Variants in GPATCH1 observed in about 807,000 individuals in gnomAD.
The protein encoded by GPATCH1 is G-patch domain containing 1.
GPATCH1 carries 73 observed loss-of-function variants against 114.9 expected under a neutral mutation model. The observed-to-expected ratio is 0.64, with a 90% CI of 0.53 to 0.77. The LOEUF is 0.77. Ranked by LOEUF, GPATCH1 falls within the 30% of genes least tolerant of loss-of-function variation. The pLI, the probability that GPATCH1 is intolerant of heterozygous loss-of-function variation, is 0.00. For synonymous variants in GPATCH1, 391 were observed against 428.4 expected (o/e 0.91, Z 1.08); for missense variants, 1,058 against 1,144.3 (o/e 0.92, Z 1.09).
intron 10 of GPATCH1, among the ~76,000 whole-genome samples, chr19:33,107,672 T>TG (rs1972800746): frequency 6.6e-6 from 1 of 152,062 alleles, no homozygotes; most frequent in Admixed American, 6.6e-5. Flanking sequence ...CTCACTGCCA[T>TG]GGGGAACTCA....
At chr19:33,129,563 G>A (rs1195096147) in intron 19 of GPATCH1, among the ~76,000 whole-genome samples, 1 of 152,144 alleles carries the variant, frequency 6.6e-6, no homozygotes, top group African/African-American at 2.4e-5. Flanking sequence ...AATAAGACTA[G>A]GGAAAAAAGT....
chr19:33,090,723 A>G, intron 2 of GPATCH1, 57 bp from the exon 3 acceptor site: 1 of 1,047,210 alleles, frequency 9.5e-7, no homozygotes, highest in Non-Finnish European at 1.5e-6. Flanking sequence ...TTAATCATTT[A>G]CTCATAGACC....
In GPATCH1 at chr19:33,110,026, G is replaced by C; in HGVS notation, c.1585+10G>C. 2 of 1,585,860 alleles carry C rather than the reference G, an allele frequency of 1.3e-6. No homozygotes were observed. The highest frequency in any genetic ancestry group is 1.7e-6 in the Non-Finnish European group (2 of 1,164,506). On this transcript the variant is annotated intron_variant, in intron 11 of 19. Coordinates refer to ENST00000170564, the MANE Select transcript of GPATCH1 (RefSeq NM_018025.3). The stretch of plus-strand genomic sequence containing the variant: ...AAACAGGGTCAGAAAGGTGGGTGCT[G>C]GGCCTGGGTGTCCCAAATCTCGGCC...
intron 17 of GPATCH1, among the ~76,000 whole-genome samples, chr19:33,124,855 G>A (rs557356515): frequency 9.9e-5 from 15 of 152,232 alleles, no homozygotes; most frequent in Non-Finnish European, 2.1e-4. Flanking sequence ...CTGGGGTCAC[G>A]GCAGGATACT....
At chr19:33,085,689 A>G (rs527421059) in intron 1 of GPATCH1, among the ~76,000 whole-genome samples, 30 of 152,334 alleles carry the variant, frequency 2.0e-4, no homozygotes, top group African/African-American at 6.7e-4. Context: ...CTTAATCAGT[A>G]TCCTTATCAG....
intron 2 of GPATCH1, 75 bp downstream of exon 2, chr19:33,088,343 T>C (rs79508019): frequency 7.2e-6 from 2 of 278,132 alleles, no homozygotes; most frequent in Non-Finnish European, 1.2e-5. Flanking sequence ...TCACCCTTGC[T>C]TTTTTTTTTT....
intron 17 of GPATCH1, among the ~76,000 whole-genome samples, chr19:33,120,293 AT>A (rs370068402): frequency 1.5e-5 from 2 of 134,350 alleles, no homozygotes; most frequent in Non-Finnish European, 3.1e-5. Flanking sequence ...AAAATTATAT[AT>A]AAAATTATAT....
chr19:33,090,154 G>C (rs946975552), intron 2 of GPATCH1, among the ~76,000 whole-genome samples: 1 of 152,180 alleles, frequency 6.6e-6, no homozygotes, highest in African/African-American at 2.4e-5. Flanking sequence ...GTTTGTGGAC[G>C]TGGCACATGC....
Position 33,117,818 on chromosome 19 carries a change from A to T in GPATCH1, c.2197-7A>T. The T allele has an allele frequency of 2.5e-6, 4 of 1,603,254 alleles. No individual in the cohort carries two copies. The stretch of plus-strand genomic sequence containing the variant: ...TATCCCTGACTCTTATTTCACTGTC[A>T]ATACAGACCGTCAACAAAGATGTGG... On this transcript the variant is annotated splice_region_variant and splice_polypyrimidine_tract_variant and intron_variant, in intron 15 of 19. Transcript: ENST00000170564.
chr19:33,093,978 C>T (rs1972626380), intron 4 of GPATCH1, among the ~76,000 whole-genome samples, 194 bp from the exon 5 acceptor site: 1 of 152,152 alleles, frequency 6.6e-6, no homozygotes, highest in African/African-American at 2.4e-5. Context: ...GATTGACTTC[C>T]CCAGTTCAGG....
At position 33,130,264 on chromosome 19, in the gene GPATCH1, C is replaced by T. The variant is rs916084982; in HGVS notation, c.*104C>T. 1 of 692,342 alleles carries T rather than the reference C, an allele frequency of 1.4e-6. No individual in the cohort carries two copies. Among genetic ancestry groups the T allele is most frequent in the Non-Finnish European group, 2.4e-6 (1 of 414,752 alleles). The allele number at this position is 692,342 out of a possible 1,614,324, so 42.9% of individuals were successfully genotyped here. ...TACAGAGTGTATTTATATGTAAATT[C>T]CTGCTGTAAAATAATTTTTAAAACC... On this transcript the variant is annotated 3_prime_UTR_variant, in exon 20 of 20. Transcript: ENST00000170564.
At chr19:33,114,117 C>G (rs1972889660) in intron 14 of GPATCH1, 136 bp from the exon 15 acceptor site, 1 of 934,250 alleles carries the variant, frequency 1.1e-6, no homozygotes, top group Admixed American at 2.3e-5. Context: ...CCTCTGCCAC[C>G]TACCTCCCCA....
Position 33,084,044 on chromosome 19 carries a change from A to T in GPATCH1, c.73+2778A>T, listed in dbSNP as rs1441121001. Among the ~76,000 whole-genome samples the T allele has an allele frequency of 7.2e-5, 11 of 152,256 alleles. No individual in the cohort carries two copies. The East Asian group carries it at 2.1e-3, about 29-fold the overall frequency. On this transcript the variant is annotated intron_variant, in intron 1 of 19. Coordinates refer to ENST00000170564, the MANE Select transcript of GPATCH1 (RefSeq NM_018025.3). The stretch of plus-strand genomic sequence containing the variant: ...AGGCTGGACTCGAACTTCTGACCTC[A>T]GGTGATCTGCCTGCCTCGGCCTCCC...
chr19:33,099,192 G>A (rs1691725854), intron 8 of GPATCH1, among the ~76,000 whole-genome samples: 1 of 149,824 alleles, frequency 6.7e-6, no homozygotes, highest in Non-Finnish European at 1.5e-5. Flanking sequence ...ACATAGTAAT[G>A]TATTGATCTA....
At chr19:33,081,368 T>G in intron 1 of GPATCH1, 102 bp downstream of exon 1, 73 of 779,612 alleles carry the variant, frequency 9.4e-5, no homozygotes, top group East Asian at 1.4e-4. Flanking sequence ...GTTAGATCGT[T>G]CCCAGCGCTG....
chr19:33,086,249 G>T (rs566966875), intron 1 of GPATCH1, among the ~76,000 whole-genome samples: 10 of 152,278 alleles, frequency 6.6e-5, no homozygotes, highest in African/African-American at 2.4e-4. Flanking sequence ...AACATCTTGG[G>T]TTGTGGGACC....
At chr19:33,099,484 A>C (rs116042530) in intron 8 of GPATCH1, among the ~76,000 whole-genome samples, 1 of 150,994 alleles carries the variant, frequency 6.6e-6, no homozygotes, top group Non-Finnish European at 1.5e-5. Flanking sequence ...TCTCTCCCCC[A>C]GCTTCCTCTC....
chr19:33,098,223 G>A (rs911050510), intron 8 of GPATCH1, among the ~76,000 whole-genome samples: 1 of 152,322 alleles, frequency 6.6e-6, no homozygotes, highest in East Asian at 1.9e-4. Flanking sequence ...CCCAGAGCTC[G>A]AGGAACTGGG....
intron 19 of GPATCH1, among the ~76,000 whole-genome samples, chr19:33,128,727 T>C (rs1336641921): frequency 1.3e-5 from 2 of 150,784 alleles, no homozygotes; most frequent in East Asian, 3.8e-4. Flanking sequence ...GTGAATTCTT[T>C]GAGTGTCTGG....
Sources: allele counts gnomAD v4.1 joint callset (sites outside exome capture counted in the v4.1 genomes callset), GRCh38; gene constraint gnomAD v4.1.1; transcripts MANE v1.5; gene names NCBI Gene and HGNC (gene_info 2026-07-23, HGNC 2026-07-21).